ZC3H13: variants seen among roughly 807,000 people sequenced by gnomAD.
ZC3H13 encodes the protein zinc finger CCCH domain-containing protein 13.
A neutral mutation model predicts 204.1 loss-of-function variants in ZC3H13; 64 were observed. The observed-to-expected ratio is 0.31, with a 90% CI of 0.26 to 0.39. ZC3H13 has a LOEUF of 0.39. Ranked by LOEUF, ZC3H13 falls within the 10% of genes least tolerant of loss-of-function variation. The probability of loss-of-function intolerance (pLI) is 1.00; values close to 1 mark genes in which losing one functional copy is unlikely to be tolerated. For missense variants in ZC3H13, 1,833 were observed against 2,082.7 expected, an observed-to-expected ratio of 0.88 and a Z score of 2.33; for synonymous variants, 667 against 693.7, an observed-to-expected ratio of 0.96 and a Z score of 0.60.
At position 45,967,492 on chromosome 13, in the gene ZC3H13, G is replaced by A; in HGVS notation, c.4321+12C>T. ...ATAAAGCAGTATCACAGACAACAGA[G>A]GTAGCACTCACCTTCCAGACTCTCA... is the stretch of plus-strand genomic sequence containing the variant. On this transcript the variant is annotated intron_variant, in intron 15 of 18. Transcript: ENST00000679008. The A allele has an allele frequency of 2.0e-6, 3 of 1,533,570 alleles. 1 individual carries two copies. Among genetic ancestry groups the A allele is most frequent in the South Asian group, 2.6e-5 (2 of 75,690 alleles). 95.0% of individuals were successfully genotyped at this position (1,533,570 alleles called of 1,614,324 possible).
intron 5 of ZC3H13, 88 bp from the exon 6 acceptor site, chr13:46,011,642 A>G: frequency 9.5e-7 from 1 of 1,048,254 alleles, no homozygotes; most frequent in East Asian, 2.6e-5. Flanking sequence ...AATTTCTTAC[A>G]CAAATCTAAA....
chr13:46,025,595 C>T (rs1235858965), intron 4 of ZC3H13, among the ~76,000 whole-genome samples: 3 of 152,162 alleles, frequency 2.0e-5, no homozygotes, highest in Non-Finnish European at 4.4e-5. Flanking sequence ...CAGGCGTGAT[C>T]CACGATACCA....
At chr13:46,012,548 T>C (rs568402798) in intron 5 of ZC3H13, among the ~76,000 whole-genome samples, 2 of 152,338 alleles carry the variant, frequency 1.3e-5, no homozygotes, top group Non-Finnish European at 2.9e-5. Context: ...ATTGCTCAAA[T>C]GCATTAGAAT....
At chr13:45,983,416 T>TTTTA (rs1953867420) in intron 10 of ZC3H13, among the ~76,000 whole-genome samples, 1 of 54,584 alleles carries the variant, frequency 1.8e-5, no homozygotes, top group African/African-American at 1.1e-4. Flanking sequence ...TATATATATT[T>TTTTA]TTTTTTTTTT....
In ZC3H13 at chr13:46,010,448, T is replaced by C; in HGVS notation, c.646A>G (p.Ser216Gly). The change falls in exon 7 of 19, where the codon AGC (serine) becomes GGC (glycine). Residue 216 changes from serine to glycine, a missense_variant. Transcript: ENST00000679008. ...CTTGATTTTCGCTTCGGAGATTTGC[T>C]AGACTTTCTTAGAGAAGGTGACGGG... ...LSPSPSLRKS[S>G]KSPKRKSSPK... 4 of 1,613,834 alleles carry C rather than the reference T, an allele frequency of 2.5e-6. No homozygotes were observed. The highest frequency in any genetic ancestry group is 3.4e-6 in the Non-Finnish European group (4 of 1,179,784).
intron 17 of ZC3H13, 149 bp from the exon 18 acceptor site, chr13:45,959,795 G>C: frequency 1.2e-6 from 1 of 823,216 alleles, no homozygotes; most frequent in Non-Finnish European, 1.7e-6. Flanking sequence ...TATATTCTCT[G>C]TGAAGCACCT....
intron 16 of ZC3H13, 109 bp downstream of exon 16, chr13:45,965,171 G>A: frequency 1.5e-6 from 2 of 1,356,414 alleles, no homozygotes; most frequent in Non-Finnish European, 2.0e-6. Flanking sequence ...AAATGTAAAA[G>A]GAAAAATTCT....
chr13:45,975,189 C>T (rs1952916796), intron 12 of ZC3H13, 94 bp downstream of exon 12: 1 of 1,489,468 alleles, frequency 6.7e-7, no homozygotes, highest in African/African-American at 1.4e-5. Flanking sequence ...AAAAAATTAA[C>T]AGGAAATTAA....
At chr13:45,974,884 C>T (rs1482582952) in intron 12 of ZC3H13, among the ~76,000 whole-genome samples, 1 of 151,238 alleles carries the variant, frequency 6.6e-6, no homozygotes, top group Non-Finnish European at 1.5e-5. Flanking sequence ...GACAAGGTCT[C>T]GACCCAGGCT....
intron 4 of ZC3H13, among the ~76,000 whole-genome samples, chr13:46,029,897 T>C (rs1357984362): frequency 6.6e-6 from 1 of 152,198 alleles, no homozygotes; most frequent in African/African-American, 2.4e-5. Flanking sequence ...ATGATGGATA[T>C]GGAAATCTGC....
At chr13:46,052,373 A>C (rs978571757) in intron 1 of ZC3H13, 31 bp downstream of exon 1, 6 of 395,304 alleles carry the variant, frequency 1.5e-5, no homozygotes, top group Non-Finnish European at 1.8e-5. Context: ...TGCCTTCCCC[A>C]GATACCCACA....
chr13:45,973,535 A>G (rs1325676776), intron 12 of ZC3H13, among the ~76,000 whole-genome samples: 1 of 152,182 alleles, frequency 6.6e-6, no homozygotes, highest in African/African-American at 2.4e-5. Flanking sequence ...GGTTTTGAAT[A>G]TTTGCATTGT....
At chr13:46,052,339 C>T (rs375815443) in intron 1 of ZC3H13, 65 bp downstream of exon 1, 1 of 392,478 alleles carries the variant, frequency 2.5e-6, no homozygotes, top group East Asian at 3.6e-5. Flanking sequence ...GTAACCCGGG[C>T]CTCCGCATTA....
intron 5 of ZC3H13, among the ~76,000 whole-genome samples, chr13:46,014,954 C>T (rs1335979821): frequency 1.3e-5 from 2 of 152,044 alleles, no homozygotes; most frequent in Non-Finnish European, 2.9e-5. Context: ...AAAGAGTTTC[C>T]TTCTTAAAGA....
chr13:45,994,152 T>C (rs1287063940), intron 8 of ZC3H13, among the ~76,000 whole-genome samples: 1 of 152,244 alleles, frequency 6.6e-6, no homozygotes, highest in Non-Finnish European at 1.5e-5. Context: ...AAATATATTT[T>C]CTCTTCCTTA....
intron 1 of ZC3H13, among the ~76,000 whole-genome samples, chr13:46,050,977 T>G (rs569806636): frequency 2.6e-5 from 4 of 152,002 alleles, no homozygotes; most frequent in Non-Finnish European, 5.9e-5. Flanking sequence ...GCTGGAGAAA[T>G]AGCTCCACCT....
chr13:45,984,293 CA>C (rs1309303480), intron 10 of ZC3H13, among the ~76,000 whole-genome samples: 1 of 152,038 alleles, frequency 6.6e-6, no homozygotes, highest in African/African-American at 2.4e-5. Context: ...ACAAAGCTGG[CA>C]AAAGAGTGGT....
In ZC3H13 at chr13:45,975,624, T is replaced by G. The variant is rs1952975339; in HGVS notation, c.2127A>C (p.Arg709Ser). The change falls in exon 12 of 19, where the codon AGA becomes AGC. Residue 709 changes from arginine to serine, a missense_variant. Arg to Ser is a moderately radical substitution (Grantham distance 110). Transcript: ENST00000679008. ...CTCTCTCCCGTTCCCTAGCACGCTCTCTTTCTAGTTCTCTCTCTTTTTCTC... is the reference window on the plus strand; with the variant it reads ...CTCTCTCCCGTTCCCTAGCACGCTCGCTTTCTAGTTCTCTCTCTTTTTCTC... ...REREKERELE[R>S]ERARERERER... The G allele has an allele frequency of 1.3e-6, 2 of 1,578,318 alleles. No homozygotes were observed. Among genetic ancestry groups the G allele is most frequent in the Non-Finnish European group, 1.7e-6 (2 of 1,161,472 alleles).
chr13:45,973,191 T>G (rs1336856794), intron 12 of ZC3H13, among the ~76,000 whole-genome samples: 1 of 152,182 alleles, frequency 6.6e-6, no homozygotes, highest in Non-Finnish European at 1.5e-5. Context: ...ATTTAAAACA[T>G]GAGAAAAAGT....
Sources: allele counts gnomAD v4.1 joint callset (sites outside exome capture counted in the v4.1 genomes callset), GRCh38; gene constraint gnomAD v4.1.1; transcripts MANE v1.5; gene names NCBI Gene and HGNC (gene_info 2026-07-23, HGNC 2026-07-21).